NT5C2: variants seen among roughly 807,000 people sequenced by gnomAD.
The protein encoded by NT5C2 is cytosolic purine 5'-nucleotidase.
Under a neutral mutation model 76.1 loss-of-function variants are expected in NT5C2, and 58 were observed. The ratio of observed to expected loss-of-function variants is 0.76; its 90% CI spans 0.62 to 0.95. NT5C2 has a LOEUF of 0.95. NT5C2 is among the 40% of genes least tolerant of loss of function. The probability of loss-of-function intolerance (pLI) is 0.00; values close to 1 mark genes in which losing one functional copy is unlikely to be tolerated. For missense variants in NT5C2, 478 were observed against 690.3 expected, an observed-to-expected ratio of 0.69 and a Z score of 3.45; for synonymous variants, 229 against 237.4, an observed-to-expected ratio of 0.96 and a Z score of 0.32.
intron 1 of NT5C2, among the ~76,000 whole-genome samples, chr10:103,185,211 C>A (rs2091852711): frequency 6.6e-6 from 1 of 152,078 alleles, no homozygotes; most frequent in South Asian, 2.1e-4. Context: ...AAAGACTGAG[C>A]TATTTCTTCA....
chr10:103,114,193 T>C (rs892681220), intron 4 of NT5C2, among the ~76,000 whole-genome samples: 1 of 152,276 alleles, frequency 6.6e-6, no homozygotes, highest in Middle Eastern at 3.4e-3. Flanking sequence ...GGTGGGCGGA[T>C]CACGAGGTAA....
intron 3 of NT5C2, among the ~76,000 whole-genome samples, chr10:103,171,614 C>G (rs2088029011): frequency 6.6e-6 from 1 of 152,162 alleles, no homozygotes; most frequent in South Asian, 2.1e-4. Flanking sequence ...TTTTTCTACC[C>G]CAGAAATTCA....
At chr10:103,182,706 C>T (rs1331565961) in intron 1 of NT5C2, among the ~76,000 whole-genome samples, 1 of 152,028 alleles carries the variant, frequency 6.6e-6, no homozygotes, top group African/African-American at 2.4e-5. Context: ...AAGAACACTG[C>T]CCTAAAACTT....
chr10:103,094,259 ATTCCTGTTTCCT>A, intron 13 of NT5C2, 77 bp downstream of exon 13: 1 of 925,428 alleles, frequency 1.1e-6, no homozygotes, highest in South Asian at 1.5e-5. Context: ...AAAAAAAAAA[ATTCCTGTTTCCT>A]TATGTAGAGT....
At chr10:103,188,407 C>T (rs1185971347) in intron 1 of NT5C2, among the ~76,000 whole-genome samples, 1 of 152,040 alleles carries the variant, frequency 6.6e-6, no homozygotes, top group Non-Finnish European at 1.5e-5. Context: ...AAAATACGCA[C>T]TGTCAATAAA....
At chr10:103,093,585 T>G (rs1451395888) in intron 14 of NT5C2, 2 of 365,744 alleles carry the variant, frequency 5.5e-6, no homozygotes, top group African/African-American at 4.2e-5. Context: ...CACTGCCAAT[T>G]TCATCACAAA....
intron 1 of NT5C2, among the ~76,000 whole-genome samples, chr10:103,191,473 T>C (rs1379623203): frequency 6.7e-6 from 1 of 149,802 alleles, no homozygotes; most frequent in Non-Finnish European, 1.5e-5. Context: ...ACAGGAGAAA[T>C]AGCCTAGAGA....
rs116085297 is a variant in NT5C2 at position 103,122,350 on chromosome 10, C to T, written c.176-15644G>A. On this transcript the variant is annotated intron_variant, in intron 4 of 18. Coordinates refer to ENST00000404739, the MANE Select transcript of NT5C2 (RefSeq NM_001351169.2). ...ACAATTCAACTGCAAAAGAAACATG[C>T]AGTTTTGCCCCAGGCAGGGTTTTCA... 5.9e-3 allele frequency among the ~76,000 whole-genome samples: 895 copies of T among 152,272 alleles called. 9 individuals are homozygous for T. Among genetic ancestry groups the T allele is most frequent in the African/African-American group, 0.02 (848 of 41,560 alleles).
At chr10:103,153,056 T>G (rs939466399) in intron 3 of NT5C2, among the ~76,000 whole-genome samples, 4 of 152,212 alleles carry the variant, frequency 2.6e-5, no homozygotes, top group Non-Finnish European at 5.9e-5. Flanking sequence ...AGTACTTATA[T>G]CTTACAAAAT....
intron 18 of NT5C2, 72 bp from the exon 19 acceptor site, chr10:103,089,980 C>A: frequency 4.7e-6 from 6 of 1,271,100 alleles, no homozygotes; most frequent in Non-Finnish European, 6.5e-6. Context: ...CCTAACCCCT[C>A]TCCTCTGTTA....
intron 1 of NT5C2, among the ~76,000 whole-genome samples, chr10:103,189,996 TC>T (rs370488631): frequency 1.6e-5 from 2 of 124,014 alleles, no homozygotes; most frequent in Non-Finnish European, 1.7e-5. Context: ...TTTGTGGCTT[TC>T]TTTTTTTTTT....
chr10:103,148,493 A>T (rs2081883750), intron 3 of NT5C2, among the ~76,000 whole-genome samples: 1 of 151,894 alleles, frequency 6.6e-6, no homozygotes, highest in African/African-American at 2.4e-5. Context: ...AGTCCCAGCT[A>T]CTCGGGAGTC....
chr10:103,129,721 G>A (rs2077640465), intron 4 of NT5C2, among the ~76,000 whole-genome samples: 1 of 107,606 alleles, frequency 9.3e-6, no homozygotes, highest in Non-Finnish European at 1.9e-5. Flanking sequence ...GAGCCCCTCT[G>A]CCCGGCCAGC....
intron 3 of NT5C2, among the ~76,000 whole-genome samples, chr10:103,144,343 C>G (rs2081115246): frequency 6.6e-6 from 1 of 152,142 alleles, no homozygotes; most frequent in African/African-American, 2.4e-5. Context: ...ATAAAAGAAA[C>G]AGCTTTTACT....
At chr10:103,160,112 T>G (rs2084456946) in intron 3 of NT5C2, among the ~76,000 whole-genome samples, 1 of 152,190 alleles carries the variant, frequency 6.6e-6, no homozygotes, top group African/African-American at 2.4e-5. Flanking sequence ...AAATGATACT[T>G]GACATGGGTG....
intron 4 of NT5C2, among the ~76,000 whole-genome samples, chr10:103,131,935 A>T (rs2078251057): frequency 6.6e-6 from 1 of 151,812 alleles, no homozygotes; most frequent in African/African-American, 2.4e-5. Flanking sequence ...AGAGAAAAAA[A>T]AAATTATTTT....
chr10:103,155,582 T>A (rs1423875603), intron 3 of NT5C2, among the ~76,000 whole-genome samples: 1 of 151,922 alleles, frequency 6.6e-6, no homozygotes, highest in Non-Finnish European at 1.5e-5. Context: ...ATAAACATCA[T>A]GATGTGTGAA....
chr10:103,153,807 C>T (rs2082818918), intron 3 of NT5C2: 1 of 962,582 alleles, frequency 1.0e-6, no homozygotes, highest in South Asian at 4.8e-5. Flanking sequence ...GTAGTTATTT[C>T]CTCCCTCAGA....
chr10:103,143,318 T>C (rs151010690), intron 3 of NT5C2, among the ~76,000 whole-genome samples: 58 of 152,020 alleles, frequency 3.8e-4, no homozygotes, highest in Non-Finnish European at 7.7e-4. Context: ...CAAAGAAGAG[T>C]AACTGCATCA....
Sources: allele counts gnomAD v4.1 joint callset (sites outside exome capture counted in the v4.1 genomes callset), GRCh38; gene constraint gnomAD v4.1.1; transcripts MANE v1.5; gene names NCBI Gene and HGNC (gene_info 2026-07-23, HGNC 2026-07-21).